The following PTPN3 variants were observed in gnomAD, a reference collection of about 807,000 sequenced individuals.
PTPN3 encodes tyrosine-protein phosphatase non-receptor type 3.
A neutral mutation model predicts 132.7 loss-of-function variants in PTPN3; 96 were observed. That is an observed-to-expected ratio of 0.72 (90% CI 0.61 to 0.86). The LOEUF (loss-of-function observed/expected upper bound fraction) is 0.86, where lower values mean the gene tolerates loss of function less well. Ranked by LOEUF, PTPN3 falls within the 40% of genes least tolerant of loss-of-function variation. The pLI is 0.00. For synonymous variants in PTPN3, 398 were observed against 429.0 expected, an observed-to-expected ratio of 0.93 and a Z score of 0.89; for missense variants, 1,125 against 1,159.6, an observed-to-expected ratio of 0.97 and a Z score of 0.43.
At chr9:109,537,797 C>A in the PTPN3 span, among the ~76,000 whole-genome samples, 3 of 152,316 alleles carry the variant, frequency 2.0e-5, no homozygotes, top group South Asian at 6.2e-4. Flanking sequence ...AAATATACTG[C>A]CCAAACTTCA....
intron 14 of PTPN3, among the ~76,000 whole-genome samples, chr9:109,420,020 T>A (rs1353422876): frequency 2.0e-5 from 3 of 152,218 alleles, no homozygotes; most frequent in Non-Finnish European, 4.4e-5. Flanking sequence ...AGCAAGCATA[T>A]TTCCAATGAT....
chr9:109,529,748 A>G, the PTPN3 span, among the ~76,000 whole-genome samples: 1 of 152,222 alleles, frequency 6.6e-6, no homozygotes, highest in Non-Finnish European at 1.5e-5. Flanking sequence ...ACCATCACCA[A>G]TAACCATCCA....
chr9:109,383,346 A>G, intron 23 of PTPN3, 77 bp downstream of exon 23: 1 of 1,611,454 alleles, frequency 6.2e-7, no homozygotes, highest in South Asian at 1.1e-5. Flanking sequence ...CACACCTAGA[A>G]GCGTGACCAC....
At chr9:109,445,389 T>G in intron 6 of PTPN3, 97 bp from the exon 7 acceptor site, 1 of 1,111,124 alleles carries the variant, frequency 9.0e-7, no homozygotes, top group Non-Finnish European at 1.4e-6. Flanking sequence ...TTCTTTGCTT[T>G]GATCAACCAT....
At chr9:109,399,992 A>G (rs1212187390) in intron 19 of PTPN3, among the ~76,000 whole-genome samples, 1 of 151,344 alleles carries the variant, frequency 6.6e-6, no homozygotes, top group Non-Finnish European at 1.5e-5. Context: ...CATTGGAGCC[A>G]ACACGGCTCA....
intron 19 of PTPN3, 116 bp downstream of exon 19, chr9:109,404,332 C>A: frequency 1.3e-6 from 1 of 784,692 alleles, no homozygotes; most frequent in Non-Finnish European, 1.8e-6. Flanking sequence ...AACACACAAT[C>A]ATCTCGACCA....
At chr9:109,387,208 T>A (rs2131611337) in intron 22 of PTPN3, among the ~76,000 whole-genome samples, 1 of 152,264 alleles carries the variant, frequency 6.6e-6, no homozygotes, top group Non-Finnish European at 1.5e-5. Context: ...AATGAGCAGA[T>A]GGGTCTGGGT....
At chr9:109,379,665 T>A in intron 25 of PTPN3, 32 bp from the exon 26 acceptor site, 1 of 1,567,400 alleles carries the variant, frequency 6.4e-7, no homozygotes, top group Non-Finnish European at 8.8e-7. Context: ...TCAAGTCCTG[T>A]AGCTCCAGGA....
chr9:109,499,045 T>C (rs2132138952), upstream of PTPN3, among the ~76,000 whole-genome samples: 1 of 150,368 alleles, frequency 6.7e-6, no homozygotes, highest in Non-Finnish European at 1.5e-5. Context: ...TTTATCCATT[T>C]TCAGCAAATA....
the PTPN3 span, among the ~76,000 whole-genome samples, chr9:109,532,584 TAA>T: frequency 6.8e-6 from 1 of 147,740 alleles, no homozygotes. Context: ...AAACAGGCTT[TAA>T]AAAAAAAAAG....
At chr9:109,523,222 C>G in the PTPN3 span, among the ~76,000 whole-genome samples, 1 of 151,660 alleles carries the variant, frequency 6.6e-6, no homozygotes, top group Non-Finnish European at 1.5e-5. Context: ...TCAAGCGATT[C>G]TCCTGCCTCA....
At position 109,457,389 on chromosome 9, in the gene PTPN3, G is replaced by C. The variant is rs780210174; in HGVS notation, c.149C>G (p.Thr50Ser). Residue 50 changes from threonine (T) to serine (S), a missense_variant, in exon 3 of 26, where the codon ACT (threonine) becomes AGT (serine). By Grantham distance (58) the Thr-to-Ser change is moderately conservative. Transcript: ENST00000374541. ...CACCATATCCAGAAGAACCTGGCCA[G>C]TGTCTTGTTTCTAGAACAAAGGAAA... ...VQTFKVTKQD[T>S]GQVLLDMVHN... is the part of the protein sequence containing the mutation. 2.5e-6 allele frequency: 4 copies of C among 1,612,124 alleles called. No individual in the cohort carries two copies. The highest frequency in any genetic ancestry group is 3.3e-4 in the Middle Eastern group (2 of 6,050).
intron 1 of PTPN3, among the ~76,000 whole-genome samples, chr9:109,487,765 C>T (rs1413941088): frequency 4.6e-5 from 7 of 152,150 alleles, no homozygotes; most frequent in African/African-American, 1.2e-4. Context: ...CAGAGAAATG[C>T]CAAAAGGTAT....
intron 22 of PTPN3, among the ~76,000 whole-genome samples, chr9:109,383,766 G>A (rs1484332768): frequency 6.6e-6 from 1 of 152,168 alleles, no homozygotes; most frequent in Non-Finnish European, 1.5e-5. Context: ...TCAGCCCCAG[G>A]CTGCAGCCTG....
chr9:109,450,841 T>G (rs117832387), intron 5 of PTPN3: 35 of 985,378 alleles, frequency 3.6e-5, no homozygotes, highest in Non-Finnish European at 3.9e-5. Flanking sequence ...TTCAGAAAAA[T>G]GTAATGACCT....
intron 13 of PTPN3, among the ~76,000 whole-genome samples, chr9:109,421,699 CA>C (rs1441965238): frequency 6.6e-6 from 1 of 152,250 alleles, no homozygotes; most frequent in Non-Finnish European, 1.5e-5. Flanking sequence ...AACCAAGAAG[CA>C]AATCTATTCA....
chr9:109,453,723 T>C (rs531967733), intron 5 of PTPN3, among the ~76,000 whole-genome samples: 6 of 152,088 alleles, frequency 3.9e-5, no homozygotes, highest in African/African-American at 1.2e-4. Flanking sequence ...AAAATTCTTA[T>C]AACAAAGCTG....
intron 2 of PTPN3, 70 bp from the exon 3 acceptor site, chr9:109,457,469 G>A: frequency 1.6e-6 from 2 of 1,224,422 alleles, no homozygotes; most frequent in South Asian, 1.3e-5. Flanking sequence ...CTTTACTGTA[G>A]GCAAAAAAGA....
In PTPN3 at chr9:109,409,987, T is replaced by C. The variant is rs766922591; in HGVS notation, c.1578+12A>G. The C allele has an allele frequency of 5.6e-6, 9 of 1,613,268 alleles. No homozygotes were observed. The highest frequency in any genetic ancestry group is 2.7e-5 in the African/African-American group (2 of 74,904). The stretch of plus-strand genomic sequence containing the variant: ...CCCAGCACAAAACTTCCTTTATAAA[T>C]ACACAACATACCTTAAGATTAAATC... On this transcript the variant is annotated intron_variant, in intron 16 of 25. Coordinates refer to ENST00000374541, the MANE Select transcript of PTPN3 (RefSeq NM_002829.4).
Sources: gnomAD v4.1 joint callset for allele counts (sites outside exome capture counted in the v4.1 genomes callset) on GRCh38, gnomAD v4.1.1 for gene constraint, MANE v1.5 for transcripts, NCBI Gene and HGNC (gene_info 2026-07-23, HGNC 2026-07-21) for gene names.